Variants in CEP162 observed in about 807,000 individuals in gnomAD.
The protein encoded by CEP162 is centrosomal protein 162, also known as centrosomal protein of 162 kDa.
A neutral mutation model predicts 169.2 loss-of-function variants in CEP162; 141 were observed. The observed-to-expected ratio is 0.83, with a 90% CI of 0.73 to 0.96. The LOEUF is 0.96. Among genes scored for constraint, CEP162 ranks in the 40% least tolerant of loss-of-function variants. CEP162 has a pLI of 0.00. For synonymous variants in CEP162, 540 were observed against 526.4 expected, an observed-to-expected ratio of 1.03 and a Z score of -0.35; for missense variants, 1,600 against 1,587.2, an observed-to-expected ratio of 1.01 and a Z score of -0.14.
intron 25 of CEP162, among the ~76,000 whole-genome samples, chr6:84,135,472 C>T (rs2099513638): frequency 6.6e-6 from 1 of 152,192 alleles, no homozygotes; most frequent in South Asian, 2.1e-4. Context: ...CCAGAGAAGA[C>T]ATTTGTCTTT....
intron 25 of CEP162, among the ~76,000 whole-genome samples, chr6:84,133,401 C>T (rs934384356): frequency 7.2e-5 from 11 of 152,308 alleles, no homozygotes; most frequent in Non-Finnish European, 1.5e-4. Context: ...CAGATAGGGA[C>T]GTTTAAGTCT....
At chr6:84,179,761 TGG>T (rs1215096638) in intron 13 of CEP162, among the ~76,000 whole-genome samples, 2 of 152,150 alleles carry the variant, frequency 1.3e-5, no homozygotes, top group Non-Finnish European at 2.9e-5. Context: ...GATAAATTCC[TGG>T]ACACATACAC....
chr6:84,206,831 G>A (rs959079789), intron 6 of CEP162, among the ~76,000 whole-genome samples: 1 of 151,964 alleles, frequency 6.6e-6, no homozygotes, highest in African/African-American at 2.4e-5. Context: ...TCTGACAAAG[G>A]GCTAATATCC....
chr6:84,193,332 T>C (rs1686003828), intron 11 of CEP162, among the ~76,000 whole-genome samples: 1 of 152,242 alleles, frequency 6.6e-6, no homozygotes, highest in Admixed American at 6.5e-5. Context: ...ATGAATGAAC[T>C]GTTCCGGCAC....
At chr6:84,161,397 G>A (rs1418480477) in intron 20 of CEP162, among the ~76,000 whole-genome samples, 1 of 152,104 alleles carries the variant, frequency 6.6e-6, no homozygotes, top group Non-Finnish European at 1.5e-5. Flanking sequence ...ACTAAAGCTA[G>A]AGTATTCCAG....
chr6:84,162,052 T>C (rs2099525992), intron 19 of CEP162, 143 bp from the exon 20 acceptor site: 1 of 594,464 alleles, frequency 1.7e-6, no homozygotes, highest in South Asian at 2.2e-5. Context: ...AACTGATGTA[T>C]ACAACATAGT....
In CEP162 at chr6:84,192,526, T is replaced by G. The variant is rs975461977; in HGVS notation, c.1109+1083A>C. ...TAGCATTGAAGTGAATGAATTTTAGTGGAAGGTTCACTGCATCATTTTTTT... is the reference window on the plus strand; with the variant it reads ...TAGCATTGAAGTGAATGAATTTTAGGGGAAGGTTCACTGCATCATTTTTTT... On this transcript the variant is annotated intron_variant, in intron 11 of 26. Transcript: ENST00000403245. 2.6e-5 allele frequency among the ~76,000 whole-genome samples: 4 copies of G among 152,226 alleles called. No individual in the cohort carries two copies. In the East Asian group the frequency reaches 7.7e-4, roughly 29 times the overall value.
In CEP162 at chr6:84,169,404, G is replaced by A. The variant is rs1456132594; in HGVS notation, c.2309C>T (p.Ser770Phe). The A allele has an allele frequency of 3.8e-6, 6 of 1,576,004 alleles. No homozygotes were observed. Among genetic ancestry groups the A allele is most frequent in the Middle Eastern group, 1.7e-4 (1 of 5,974 alleles). Residue 770 changes from serine to phenylalanine, a missense_variant, in exon 18 of 27, where the codon TCT (serine) becomes TTT (phenylalanine). Coordinates refer to ENST00000403245, the MANE Select transcript of CEP162 (RefSeq NM_014895.4). ...GGGCTCTGAATCTTCAACTACTTGAGACAGAAAACGACTTTTGTGCATCTG... is the reference window on the plus strand; with the variant it reads ...GGGCTCTGAATCTTCAACTACTTGAAACAGAAAACGACTTTTGTGCATCTG... ...KEQMHKSRFL[S>F]QVVEDSEPTR...
chr6:84,133,590 G>T (rs866951125), intron 25 of CEP162, among the ~76,000 whole-genome samples: 1 of 152,180 alleles, frequency 6.6e-6, no homozygotes, highest in Non-Finnish European at 1.5e-5. Flanking sequence ...CAGCCTTGCT[G>T]CTGCCTTGCA....
intron 24 of CEP162, 58 bp downstream of exon 24, chr6:84,149,504 T>C (rs751434157): frequency 1.5e-6 from 2 of 1,317,144 alleles, no homozygotes; most frequent in East Asian, 2.4e-5. Flanking sequence ...AACTTTAATC[T>C]CATTAAAGTC....
chr6:84,226,288 G>C, intron 2 of CEP162, 49 bp downstream of exon 2: 2 of 1,233,570 alleles, frequency 1.6e-6, no homozygotes, highest in South Asian at 2.6e-5. Flanking sequence ...TGAAGGATGA[G>C]TCTTTTGAGA....
intron 9 of CEP162, among the ~76,000 whole-genome samples, 200 bp downstream of exon 9, chr6:84,200,589 T>C (rs1361923220): frequency 6.6e-6 from 1 of 152,198 alleles, no homozygotes; most frequent in East Asian, 1.9e-4. Context: ...ATTTAAAACC[T>C]CACTTTACTT....
At chr6:84,136,625 C>G (rs1041254398) in intron 25 of CEP162, among the ~76,000 whole-genome samples, 17 of 152,108 alleles carry the variant, frequency 1.1e-4, no homozygotes, top group African/African-American at 3.6e-4. Context: ...TTAGAATGTT[C>G]CTTGACAGCA....
At chr6:84,205,095 C>T (rs1188155043) in intron 6 of CEP162, among the ~76,000 whole-genome samples, 6 of 152,138 alleles carry the variant, frequency 3.9e-5, no homozygotes, top group South Asian at 2.1e-4. Context: ...GCCTACCAAC[C>T]AAAAAAAGTC....
chr6:84,142,139 A>G (rs2099516960), intron 25 of CEP162, among the ~76,000 whole-genome samples: 1 of 152,180 alleles, frequency 6.6e-6, no homozygotes. Context: ...AAACTCCTTT[A>G]CCCCAAATTT....
At chr6:84,191,955 T>A (rs1040082281) in intron 11 of CEP162, among the ~76,000 whole-genome samples, 15 of 152,174 alleles carry the variant, frequency 9.9e-5, no homozygotes, top group African/African-American at 3.6e-4. Flanking sequence ...ATTAAGGCAG[T>A]TAAAAGAAAG....
intron 11 of CEP162, among the ~76,000 whole-genome samples, chr6:84,190,777 AAGTC>A (rs1239049641): frequency 6.6e-6 from 1 of 152,206 alleles, no homozygotes; most frequent in African/African-American, 2.4e-5. Flanking sequence ...TTCATTCTAG[AAGTC>A]AGTGAGACCA....
chr6:84,200,016 T>C (rs555750306), intron 9 of CEP162, among the ~76,000 whole-genome samples: 7 of 152,244 alleles, frequency 4.6e-5, no homozygotes, highest in Admixed American at 6.5e-5. Flanking sequence ...TTTGGGAGGC[T>C]GAGGCGGGCG....
At position 84,226,402 on chromosome 6, in the gene CEP162, A is replaced by T. The variant is rs2099555769; in HGVS notation, c.-9T>A. Reference sequence around the variant, plus strand: ...TGGGAACAGTTAGCCATAGTCAACAATTTTGACCTCCCAAAGTAAACATTC... The same window carrying T: ...TGGGAACAGTTAGCCATAGTCAACATTTTTGACCTCCCAAAGTAAACATTC... On this transcript the variant is annotated 5_prime_UTR_variant, in exon 2 of 27. The change creates a new upstream start codon in the 5' untranslated region. Transcript: ENST00000403245. 1.9e-6 allele frequency: 3 copies of T among 1,562,880 alleles called. No individual in the cohort carries two copies. In the East Asian group the frequency reaches 6.9e-5, roughly 36 times the overall value.
Sources: allele counts gnomAD v4.1 joint callset (sites outside exome capture counted in the v4.1 genomes callset), GRCh38; gene constraint gnomAD v4.1.1; transcripts MANE v1.5; gene names NCBI Gene and HGNC (gene_info 2026-07-23, HGNC 2026-07-21).